Variants in ROBO2 observed in about 807,000 individuals in gnomAD.
ROBO2 encodes the protein roundabout homolog 2.
ROBO2 carries 53 observed loss-of-function variants against 160.8 expected under a neutral mutation model. The observed-to-expected ratio is 0.33, with a 90% CI of 0.26 to 0.41. The LOEUF (loss-of-function observed/expected upper bound fraction) is 0.41, where lower values mean the gene tolerates loss of function less well. Ranked by LOEUF, ROBO2 falls within the 10% of genes least tolerant of loss-of-function variation. ROBO2 has a pLI of 1.00. For synonymous variants in ROBO2, 664 were observed against 611.7 expected (o/e 1.09, Z -1.26); for missense variants, 1,577 against 1,722.4 (o/e 0.92, Z 1.49).
chr3:76,221,665 C>G lies in ROBO2; in HGVS notation c.109+284063C>G, dbSNP rs150566803. Reference sequence around the variant, plus strand: ...GGTACTGTAACTGAATTCAAAAGACCCTTTTATCATTTTTATCAAGTTAGC... The same window carrying G: ...GGTACTGTAACTGAATTCAAAAGACGCTTTTATCATTTTTATCAAGTTAGC... On this transcript the variant is annotated intron_variant, in intron 2 of 26. Coordinates refer to the ROBO2 transcript ENST00000487694. Among the ~76,000 whole-genome samples, 34 of 152,216 alleles carry G rather than the reference C, an allele frequency of 2.2e-4. No individual in the cohort carries two copies. The East Asian group carries it at 6.6e-3, about 29-fold the overall frequency.
At chr3:76,287,456 C>A (rs1030156939) in intron 2 of ROBO2, among the ~76,000 whole-genome samples, 5 of 151,820 alleles carry the variant, frequency 3.3e-5, no homozygotes, top group African/African-American at 1.2e-4. Context: ...CCACCATGCC[C>A]GAATAATTTT....
At chr3:77,078,036 A>T (rs965846080) in intron 1 of ROBO2, among the ~76,000 whole-genome samples, 1 of 152,178 alleles carries the variant, frequency 6.6e-6, no homozygotes, top group African/African-American at 2.4e-5. Flanking sequence ...CACATTATTG[A>T]TATCAGTGAG....
intron 2 of ROBO2, among the ~76,000 whole-genome samples, chr3:76,890,253 T>C (rs2074245761): frequency 6.6e-6 from 1 of 152,178 alleles, no homozygotes; most frequent in Admixed American, 6.5e-5. Flanking sequence ...TAAATGTAGA[T>C]ATTATGATTA....
intron 2 of ROBO2, among the ~76,000 whole-genome samples, chr3:76,975,009 G>C (rs1276283338): frequency 6.6e-6 from 1 of 152,008 alleles, no homozygotes; most frequent in Non-Finnish European, 1.5e-5. Flanking sequence ...GATATAACAA[G>C]AAGATACTAG....
chr3:75,949,090 A>C (rs1948438640), intron 2 of ROBO2, among the ~76,000 whole-genome samples: 2 of 152,112 alleles, frequency 1.3e-5, no homozygotes, highest in African/African-American at 4.8e-5. Context: ...AAAAAGCCAG[A>C]TGTTATTTGT....
intron 2 of ROBO2, among the ~76,000 whole-genome samples, chr3:76,971,840 C>G (rs550281651): frequency 6.6e-6 from 1 of 152,140 alleles, no homozygotes; most frequent in Non-Finnish European, 1.5e-5. Flanking sequence ...ATACTAGACC[C>G]ATTGCTAAGT....
intron 2 of ROBO2, among the ~76,000 whole-genome samples, chr3:76,204,849 AGT>A (rs1702723715): frequency 1.3e-5 from 2 of 152,216 alleles, no homozygotes; most frequent in Non-Finnish European, 2.9e-5. Context: ...CTGTATGAAC[AGT>A]GTGTCTTATT....
At chr3:77,184,316 T>A (rs1162081008) in intron 2 of ROBO2, among the ~76,000 whole-genome samples, 4 of 152,086 alleles carry the variant, frequency 2.6e-5, no homozygotes, top group Non-Finnish European at 5.9e-5. Context: ...CAAAAAATTT[T>A]GAAGCAGCTA....
intron 2 of ROBO2, among the ~76,000 whole-genome samples, chr3:76,854,175 A>G (rs1337692866): frequency 6.6e-6 from 1 of 151,914 alleles, no homozygotes; most frequent in East Asian, 1.9e-4. Flanking sequence ...ATCAGCCCTC[A>G]TAAGTACTTT....
intron 2 of ROBO2, among the ~76,000 whole-genome samples, chr3:76,049,155 GT>G (rs1157241709): frequency 2.0e-5 from 3 of 151,954 alleles, no homozygotes; most frequent in African/African-American, 7.3e-5. Flanking sequence ...GCTAGGTGGT[GT>G]GTGTAAGGAG....
At position 76,006,010 on chromosome 3, in the gene ROBO2, C is replaced by A. The variant is rs370730862; in HGVS notation, c.109+68408C>A. ...AATCTGTACAAAAATACATATGTGA[C>A]CAGTTATGTTTGGTTTCTCCATTGT... On this transcript the variant is annotated intron_variant, in intron 2 of 26. Coordinates refer to the ROBO2 transcript ENST00000487694. 4.6e-5 allele frequency among the ~76,000 whole-genome samples: 7 copies of A among 152,136 alleles called. No individual in the cohort carries two copies. In the East Asian group the frequency reaches 7.7e-4, roughly 17 times the overall value.
chr3:76,079,686 G>A (rs9851838), intron 2 of ROBO2, among the ~76,000 whole-genome samples: 23,932 of 151,594 alleles, frequency 0.16, 1,974 homozygotes, highest in African/African-American at 0.19. Flanking sequence ...GGGTTTCACC[G>A]TGTTGCCCAG....
chr3:76,199,267 T>C (rs997935843), intron 2 of ROBO2, among the ~76,000 whole-genome samples: 1 of 152,056 alleles, frequency 6.6e-6, no homozygotes, highest in Non-Finnish European at 1.5e-5. Context: ...TTTGAAGATG[T>C]AGGAAGGAGT....
intron 2 of ROBO2, among the ~76,000 whole-genome samples, chr3:76,111,377 T>C (rs996248129): frequency 2.0e-5 from 3 of 152,042 alleles, no homozygotes; most frequent in South Asian, 4.1e-4. Context: ...GCCTTGTTGA[T>C]ACAATGATAT....
chr3:76,921,156 T>C (rs1426812277), intron 2 of ROBO2, among the ~76,000 whole-genome samples: 5 of 152,204 alleles, frequency 3.3e-5, no homozygotes, highest in Non-Finnish European at 5.9e-5. Context: ...AATAAATTGA[T>C]TGATGTCATC....
At chr3:76,741,215 G>A (rs2108038375) in intron 2 of ROBO2, among the ~76,000 whole-genome samples, 1 of 152,040 alleles carries the variant, frequency 6.6e-6, no homozygotes, top group South Asian at 2.1e-4. Flanking sequence ...GTTTCCTGCT[G>A]TGTTTAGCTC....
At chr3:77,438,204 G>A (rs2079515405) in intron 2 of ROBO2, among the ~76,000 whole-genome samples, 1 of 151,618 alleles carries the variant, frequency 6.6e-6, no homozygotes, top group African/African-American at 2.4e-5. Flanking sequence ...ATAGATGATA[G>A]ATAGATACAT....
Position 76,849,579 on chromosome 3 carries a change from C to A in ROBO2, c.110-248435C>A, listed in dbSNP as rs181479259. 3.2e-3 allele frequency among the ~76,000 whole-genome samples: 482 copies of A among 152,202 alleles called. 1 individual carries two copies. Among genetic ancestry groups the A allele is most frequent in the Admixed American group, 6.3e-3 (96 of 15,278 alleles). Reference sequence around the variant, plus strand: ...ATAGTAATACATTAAATTATAAATGCTAATTTTAAAATATCATAACGTATA... The same window carrying A: ...ATAGTAATACATTAAATTATAAATGATAATTTTAAAATATCATAACGTATA... On this transcript the variant is annotated intron_variant, in intron 2 of 26. Coordinates refer to the ROBO2 transcript ENST00000487694.
At chr3:77,158,932 C>T (rs144092337) in intron 2 of ROBO2, among the ~76,000 whole-genome samples, 3 of 152,156 alleles carry the variant, frequency 2.0e-5, no homozygotes, top group African/African-American at 7.2e-5. Flanking sequence ...TCACCGTTTA[C>T]CCTGAATAAG....
Sources: allele counts gnomAD v4.1 joint callset (sites outside exome capture counted in the v4.1 genomes callset), GRCh38; gene constraint gnomAD v4.1.1; transcripts MANE v1.5; gene names NCBI Gene and HGNC (gene_info 2026-07-23, HGNC 2026-07-21).